The following COL23A1 variants were observed in gnomAD, a reference collection of about 807,000 sequenced individuals.
COL23A1 encodes collagen alpha-1(XXIII) chain.
Under a neutral mutation model 99.3 loss-of-function variants are expected in COL23A1, and 97 were observed. The observed-to-expected ratio is 0.98, with a 90% confidence interval of 0.83 to 1.16. COL23A1 has a LOEUF of 1.16. Among genes scored for constraint, COL23A1 ranks in the 50% most tolerant of loss-of-function variants. The pLI, the probability that COL23A1 is intolerant of heterozygous loss-of-function variation, is 0.00. For missense variants in COL23A1, 762 were observed against 757.4 expected (o/e 1.01, Z -0.07); for synonymous variants, 320 against 308.2 (o/e 1.04, Z -0.40).
chr5:178,364,460 C>T (rs940974295), intron 2 of COL23A1, among the ~76,000 whole-genome samples: 8 of 109,122 alleles, frequency 7.3e-5, no homozygotes, highest in Non-Finnish European at 1.4e-4. Context: ...AGGTGGGGCC[C>T]GCCTGTGCAG....
intron 2 of COL23A1, among the ~76,000 whole-genome samples, chr5:178,424,216 G>A (rs1644913848): frequency 1.3e-5 from 2 of 152,194 alleles, no homozygotes; most frequent in Non-Finnish European, 2.9e-5. Context: ...CATTCACACT[G>A]CCTTGCCCTG....
intron 3 of COL23A1, among the ~76,000 whole-genome samples, chr5:178,296,884 C>G (rs1757775419): frequency 6.6e-6 from 1 of 152,214 alleles, no homozygotes; most frequent in African/African-American, 2.4e-5. Flanking sequence ...TTGCTTCATG[C>G]CAGCACCAGC....
At chr5:178,567,086 G>A (rs900617802) in intron 1 of COL23A1, among the ~76,000 whole-genome samples, 4 of 152,168 alleles carry the variant, frequency 2.6e-5, no homozygotes, top group African/African-American at 7.2e-5. Context: ...AATCAGTATC[G>A]AAGACATAAC....
At chr5:178,459,998 T>A (rs1003647129) in intron 2 of COL23A1, among the ~76,000 whole-genome samples, 3 of 152,228 alleles carry the variant, frequency 2.0e-5, no homozygotes, top group African/African-American at 7.2e-5. Flanking sequence ...TGGGTGTTTT[T>A]AAAATCTCCT....
chr5:178,388,469 A>G (rs956497031), intron 2 of COL23A1, among the ~76,000 whole-genome samples: 1 of 152,150 alleles, frequency 6.6e-6, no homozygotes, highest in Non-Finnish European at 1.5e-5. Context: ...TTACTTAAGC[A>G]ATGCTGGTTC....
intron 2 of COL23A1, among the ~76,000 whole-genome samples, chr5:178,457,786 G>C (rs4976777): frequency 0.24 from 36,113 of 152,156 alleles, 5,237 homozygotes; most frequent in Middle Eastern, 0.34. Flanking sequence ...GCTGCTGAGA[G>C]GCAGGATTTT....
chr5:178,355,863 G>A (rs372668958), intron 2 of COL23A1, among the ~76,000 whole-genome samples: 19 of 152,036 alleles, frequency 1.2e-4, no homozygotes, highest in Middle Eastern at 3.4e-3. Context: ...TGCGTATTGC[G>A]AAATGATTGA....
intron 5 of COL23A1, among the ~76,000 whole-genome samples, chr5:178,275,563 C>G (rs1561815994): frequency 6.6e-6 from 1 of 152,214 alleles, no homozygotes; most frequent in African/African-American, 2.4e-5. Context: ...TTGTGGCACA[C>G]TCAGCATCAT....
intron 2 of COL23A1, among the ~76,000 whole-genome samples, chr5:178,345,523 T>C (rs1440098936): frequency 3.8e-5 from 4 of 105,490 alleles, no homozygotes; most frequent in African/African-American, 1.5e-4. Context: ...GCTGACACCA[T>C]TTTTTTTTTT....
chr5:178,569,600 T>C (rs1027316492), intron 1 of COL23A1, among the ~76,000 whole-genome samples: 2 of 152,244 alleles, frequency 1.3e-5, no homozygotes, highest in African/African-American at 4.8e-5. Flanking sequence ...ACACTGACTA[T>C]ATCACAGTTT....
intron 5 of COL23A1, among the ~76,000 whole-genome samples, chr5:178,287,383 G>T (rs1278087675): frequency 6.6e-6 from 1 of 152,234 alleles, no homozygotes; most frequent in African/African-American, 2.4e-5. Flanking sequence ...GTCCTGGAGG[G>T]CTGGGTTTGT....
intron 1 of COL23A1, among the ~76,000 whole-genome samples, chr5:178,585,943 C>T (rs115955159): frequency 0.025 from 3,826 of 152,220 alleles, 171 homozygotes; most frequent in African/African-American, 0.085. Context: ...GTAAGTCTGC[C>T]GAAAGGTGGG....
intron 2 of COL23A1, among the ~76,000 whole-genome samples, chr5:178,535,318 G>A (rs772200639): frequency 6.6e-6 from 1 of 152,178 alleles, no homozygotes; most frequent in Non-Finnish European, 1.5e-5. Flanking sequence ...AGGCCCTGAC[G>A]CTCTCAGAGC....
At chr5:178,478,086 C>T (rs1349758907) in intron 2 of COL23A1, among the ~76,000 whole-genome samples, 1 of 152,248 alleles carries the variant, frequency 6.6e-6, no homozygotes, top group South Asian at 2.1e-4. Context: ...CTGGGTGGGG[C>T]GGTCCTGCAG....
chr5:178,539,155 G>T (rs1413445981), intron 2 of COL23A1, among the ~76,000 whole-genome samples: 2 of 152,210 alleles, frequency 1.3e-5, no homozygotes, highest in Non-Finnish European at 2.9e-5. Flanking sequence ...TGTGGAAGTG[G>T]TTGCACAACT....
At chr5:178,398,040 C>T (rs1034617670) in intron 2 of COL23A1, among the ~76,000 whole-genome samples, 2 of 152,070 alleles carry the variant, frequency 1.3e-5, no homozygotes, top group African/African-American at 4.8e-5. Flanking sequence ...TGCTGTAACA[C>T]TGCCTGGGTC....
chr5:178,263,445 G>A (rs1765747875), intron 8 of COL23A1, 121 bp from the exon 9 acceptor site: 1 of 649,952 alleles, frequency 1.5e-6, no homozygotes, highest in Non-Finnish European at 2.7e-6. Flanking sequence ...AGGCTCAAAG[G>A]GGAGGGCTTT....
intron 2 of COL23A1, among the ~76,000 whole-genome samples, chr5:178,424,130 G>A (rs1257694605): frequency 6.6e-6 from 1 of 152,170 alleles, no homozygotes; most frequent in Non-Finnish European, 1.5e-5. Context: ...CCTGCTCCAA[G>A]GCAGCGGACA....
In COL23A1 at chr5:178,357,269, C is replaced by T. The variant is rs542226903; in HGVS notation, c.362-50350G>A. On this transcript the variant is annotated intron_variant, in intron 2 of 28. Coordinates refer to ENST00000390654, the MANE Select transcript of COL23A1 (RefSeq NM_173465.4). ...GTGCATCCCCTCAGATGGTGACCTC[C>T]TTCCCTTCTCACAGGCTTCTGGTCT... Among the ~76,000 whole-genome samples, 7 of 152,310 alleles carry T rather than the reference C, an allele frequency of 4.6e-5. No homozygotes were observed. The East Asian group carries it at 1.4e-3, about 29-fold the overall frequency.
Sources: gnomAD v4.1 joint callset for allele counts (sites outside exome capture counted in the v4.1 genomes callset) on GRCh38, gnomAD v4.1.1 for gene constraint, MANE v1.5 for transcripts, NCBI Gene and HGNC (gene_info 2026-07-23, HGNC 2026-07-21) for gene names.